Variants in USHBP1 observed in about 807,000 individuals in gnomAD.
USHBP1 encodes the protein harmonin-binding protein USHBP1.
USHBP1 carries 67 observed loss-of-function variants against 76.2 expected under a neutral mutation model. The ratio of observed to expected loss-of-function variants is 0.88; its 90% CI spans 0.72 to 1.08. The LOEUF (loss-of-function observed/expected upper bound fraction) is 1.08. Ranked by LOEUF, USHBP1 falls within the 50% of genes least tolerant of loss-of-function variation. The pLI is 0.00. For synonymous variants in USHBP1, 322 were observed against 362.2 expected, an observed-to-expected ratio of 0.89 and a Z score of 1.26; for missense variants, 931 against 915.0, an observed-to-expected ratio of 1.02 and a Z score of -0.23.
chr19:17,261,341 T>C (rs201421573), intron 4 of USHBP1, among the ~76,000 whole-genome samples: 7 of 93,026 alleles, frequency 7.5e-5, no homozygotes, highest in South Asian at 3.6e-4. Flanking sequence ...TTCTTTCTTT[T>C]TTTTTTTTTT....
In USHBP1 at chr19:17,250,166, G is replaced by C. The variant is rs566795384; in HGVS notation, c.*59C>G. On this transcript the variant is annotated 3_prime_UTR_variant, in exon 13 of 13. Transcript: ENST00000252597. ...TGCAACATGACATGATGTCACTCCAGGACAGTTTATGACATGCCACAGCTG... is the reference window on the plus strand; with the variant it reads ...TGCAACATGACATGATGTCACTCCACGACAGTTTATGACATGCCACAGCTG... 1 of 1,533,018 alleles carries C rather than the reference G, an allele frequency of 6.5e-7. No homozygotes were observed. Among genetic ancestry groups the C allele is most frequent in the East Asian group, 2.4e-5 (1 of 40,972 alleles). The allele number at this position is 1,533,018 out of a possible 1,614,324, so 95.0% of individuals were successfully genotyped here.
At chr19:17,250,717 A>T (rs12462962) in intron 12 of USHBP1, among the ~76,000 whole-genome samples, 72,139 of 151,086 alleles carry the variant, frequency 0.48, 17,983 homozygotes, top group East Asian at 0.82. Context: ...CGCCCAGCTA[A>T]TTTTTTTGTA....
At position 17,258,427 on chromosome 19, in the gene USHBP1, G is replaced by A. The variant is rs368333392; in HGVS notation, c.1047-42C>T. 1.3e-4 allele frequency: 211 copies of A among 1,587,264 alleles called. No individual in the cohort carries two copies. In the African/African-American group the frequency reaches 1.9e-3, roughly 14 times the overall value. ...CTGAGTGCTTCAGGACACTCAGCTC[G>A]GCTGGGTGCAATGGCCCTCACCTGT... On this transcript the variant is annotated intron_variant, in intron 7 of 12. Coordinates refer to ENST00000252597, the MANE Select transcript of USHBP1 (RefSeq NM_031941.4).
intron 4 of USHBP1, among the ~76,000 whole-genome samples, chr19:17,261,484 C>G (rs1360010427): frequency 6.7e-6 from 1 of 149,194 alleles, no homozygotes; most frequent in Non-Finnish European, 1.5e-5. Flanking sequence ...TACAGGCACC[C>G]GCCACCACGC....
chr19:17,249,500 T>G lies in USHBP1; in HGVS notation c.*725A>C, dbSNP rs1878703433. The G allele has an allele frequency of 6.6e-6, 1 of 151,934 alleles. No homozygotes were observed. The highest frequency in any genetic ancestry group is 2.1e-4 in the South Asian group (1 of 4,818). The allele number at this position is 151,934 out of a possible 1,614,324, so 9.4% of individuals were successfully genotyped here. On this transcript the variant is annotated 3_prime_UTR_variant, in exon 13 of 13. Transcript: ENST00000252597. ...TGAGTCACCACGCCTGGCCTGTTTT[T>G]TTTTTTGAGACAAGGTCTTACTCTG...
At chr19:17,250,536 C>G in intron 12 of USHBP1, 122 bp from the exon 13 acceptor site, 3 of 1,170,304 alleles carry the variant, frequency 2.6e-6, no homozygotes, top group Non-Finnish European at 2.4e-6. Flanking sequence ...TCCCAGCTAG[C>G]TGGTCTTTTG....
chr19:17,263,905 T>C (rs2073720800), intron 3 of USHBP1, 97 bp downstream of exon 3: 2 of 1,394,010 alleles, frequency 1.4e-6, no homozygotes, highest in South Asian at 1.5e-5. Context: ...TAGGGAGCTA[T>C]GGTAGGTGTG....
Position 17,250,265 on chromosome 19 carries a change from G to A in USHBP1, c.2072C>T (p.Pro691Leu), listed in dbSNP as rs752589848. The change falls in exon 13 of 13, where the codon CCT becomes CTT. Residue 691 changes from proline to leucine, a missense_variant. Pro to Leu is a moderately conservative substitution (Grantham distance 98, BLOSUM62 -3). Transcript: ENST00000252597. Reference sequence around the variant, plus strand: ...CCCAAGCTGGGGAGGCGGGAGGGGAGGCCTGGGCTTCCCCAGGGCCCTTGC... The same window carrying A: ...CCCAAGCTGGGGAGGCGGGAGGGGAAGCCTGGGCTTCCCCAGGGCCCTTGC... Reference protein sequence around the residue: ...ATARALGKPRPPLPPPQLGDT... With the variant: ...ATARALGKPRLPLPPPQLGDT... 2.2e-5 allele frequency: 36 copies of A among 1,613,132 alleles called. No individual in the cohort carries two copies. The South Asian group carries it at 4.0e-4, about 18-fold the overall frequency.
chr19:17,262,875 C>T lies in USHBP1; in HGVS notation c.319G>A (p.Glu107Lys), dbSNP rs1401982695. ...QAPEAALQYK[E>K]TVPPGNGAPD... ...GCCCCATTCCCAGGGGGCACAGTCT[C>T]CTTGTACTGTAGGGCTGCTTCTGGG... The change falls in exon 4 of 13, where the codon GAG becomes AAG. Residue 107 changes from glutamate to lysine, a missense_variant. By Grantham distance (56) the Glu-to-Lys change is moderately conservative. Coordinates refer to ENST00000252597, the MANE Select transcript of USHBP1 (RefSeq NM_031941.4). 1.9e-6 allele frequency: 3 copies of T among 1,609,712 alleles called. No homozygotes were observed. The highest frequency in any genetic ancestry group is 2.5e-6 in the Non-Finnish European group (3 of 1,176,938).
At chr19:17,255,120 C>T (rs889986229) in intron 10 of USHBP1, among the ~76,000 whole-genome samples, 1 of 151,872 alleles carries the variant, frequency 6.6e-6, no homozygotes, top group Admixed American at 6.6e-5. Flanking sequence ...TACAAAACTG[C>T]ATCTCTACAA....
At chr19:17,260,511 G>T (rs1025188805) in intron 4 of USHBP1, among the ~76,000 whole-genome samples, 2 of 152,110 alleles carry the variant, frequency 1.3e-5, no homozygotes, top group African/African-American at 4.8e-5. Context: ...TGTATTTTCA[G>T]TAGAGATGGG....
intron 4 of USHBP1, among the ~76,000 whole-genome samples, chr19:17,260,929 C>A (rs965885313): frequency 2.0e-5 from 3 of 152,198 alleles, no homozygotes; most frequent in African/African-American, 7.2e-5. Flanking sequence ...TCTGCCACAT[C>A]ACCCAGAATC....
At position 17,250,100 on chromosome 19, in the gene USHBP1, C is replaced by A; in HGVS notation, c.*125G>T. 1.7e-6 allele frequency: 2 copies of A among 1,157,798 alleles called. No individual in the cohort carries two copies. Among genetic ancestry groups the A allele is most frequent in the South Asian group, 1.6e-5 (1 of 63,872 alleles). 71.7% of individuals were successfully genotyped at this position (1,157,798 alleles called of 1,614,324 possible). On this transcript the variant is annotated 3_prime_UTR_variant, in exon 13 of 13. Coordinates refer to ENST00000252597, the MANE Select transcript of USHBP1 (RefSeq NM_031941.4). ...TCAGGCCCTGGACACCCATGTGCAC[C>A]AGCTTCCCTCACGCCAAATGTGCCC...
chr19:17,250,997 A>T (rs1347871837), intron 12 of USHBP1, among the ~76,000 whole-genome samples: 1 of 152,042 alleles, frequency 6.6e-6, no homozygotes, highest in African/African-American at 2.4e-5. Context: ...AGTAGCTGGG[A>T]TCACAGGCAT....
chr19:17,262,608 G>C lies in USHBP1; in HGVS notation c.586C>G (p.Arg196Gly), dbSNP rs764919205. Residue 196 changes from arginine (R) to glycine (G), a missense_variant, in exon 4 of 13, where the codon CGC (arginine) becomes GGC (glycine). Physicochemically the swap from Arg to Gly is moderately radical, Grantham distance 125. Transcript: ENST00000252597. The part of the protein sequence containing the change: ...ALSSREDELV[R>G]TQASLEAIRA... ...ATGGCCTCCAGGGAGGCCTGCGTGC[G>C]GACCAGCTCATCCTCTCGGCTACTC... 1.2e-6 allele frequency: 2 copies of C among 1,613,748 alleles called. No individual in the cohort carries two copies. Among genetic ancestry groups the C allele is most frequent in the Non-Finnish European group, 1.7e-6 (2 of 1,179,978 alleles).
chr19:17,259,717 C>T lies in USHBP1; in HGVS notation c.784G>A (p.Ala262Thr). The change falls in exon 6 of 13, where the codon GCT becomes ACT. Residue 262 changes from alanine (A) to threonine (T), a missense_variant. Physicochemically the swap from Ala to Thr is moderately conservative, Grantham distance 58. Transcript: ENST00000252597. ...PWETQDSFSL[A>T]HPLLRRLRSH... ...CGGAGGCGCCGAAGCAGGGGGTGAGCCAGGGAGAAGGAGTCCTGCCAAGAA... is the reference window on the plus strand; with the variant it reads ...CGGAGGCGCCGAAGCAGGGGGTGAGTCAGGGAGAAGGAGTCCTGCCAAGAA... 1 of 1,611,762 alleles carries T rather than the reference C, an allele frequency of 6.2e-7. No individual in the cohort carries two copies. Among genetic ancestry groups the T allele is most frequent in the Non-Finnish European group, 8.5e-7 (1 of 1,179,106 alleles).
At chr19:17,258,103 T>C (rs1283820521) in intron 8 of USHBP1, 109 bp downstream of exon 8, 1 of 1,508,198 alleles carries the variant, frequency 6.6e-7, no homozygotes, top group African/African-American at 1.4e-5. Context: ...CCGACCTTGC[T>C]GGACACAGCC....
rs1010874308 is a variant in USHBP1, at chr19:17,251,506, A to G, written c.1922+76T>C. 43 of 1,587,588 alleles carry G rather than the reference A, an allele frequency of 2.7e-5. No individual in the cohort carries two copies. The African/African-American group carries it at 4.7e-4, about 17-fold the overall frequency. On this transcript the variant is annotated intron_variant, in intron 12 of 12. Transcript: ENST00000252597. ...GGCAGTGGGGAATGCTAAGGCCCAGAGACAGCCAGGGATACTTCTGATATC... is the reference window on the plus strand; with the variant it reads ...GGCAGTGGGGAATGCTAAGGCCCAGGGACAGCCAGGGATACTTCTGATATC...
intron 4 of USHBP1, 122 bp from the exon 5 acceptor site, chr19:17,260,144 C>G: frequency 7.8e-7 from 1 of 1,287,208 alleles, no homozygotes; most frequent in Non-Finnish European, 1.0e-6. Context: ...GGCTTGGATA[C>G]TTAGCCTGCC....
Sources: gnomAD v4.1 joint callset for allele counts (sites outside exome capture counted in the v4.1 genomes callset) on GRCh38, gnomAD v4.1.1 for gene constraint, MANE v1.5 for transcripts, NCBI Gene and HGNC (gene_info 2026-07-23, HGNC 2026-07-21) for gene names.